Variants in MROH2B observed in about 807,000 individuals in gnomAD.
MROH2B encodes maestro heat like repeat family member 2B, also known as maestro heat-like repeat-containing protein family member 2B.
A neutral mutation model predicts 208.6 loss-of-function variants in MROH2B; 177 were observed. The observed-to-expected ratio is 0.85, with a 90% CI of 0.75 to 0.96. The LOEUF (loss-of-function observed/expected upper bound fraction) is 0.96, where lower values mean the gene tolerates loss of function less well. MROH2B is among the 40% of genes least tolerant of loss of function. The probability of loss-of-function intolerance (pLI) is 0.00; values close to 1 mark genes in which losing one functional copy is unlikely to be tolerated. For synonymous variants in MROH2B, 728 were observed against 659.0 expected (o/e 1.10, Z -1.60); for missense variants, 2,002 against 1,878.7 (o/e 1.07, Z -1.21).
intron 24 of MROH2B, among the ~76,000 whole-genome samples, chr5:41,029,083 TC>T (rs1742478737): frequency 6.6e-6 from 1 of 152,170 alleles, no homozygotes; most frequent in African/African-American, 2.4e-5. Context: ...CAATTTACGT[TC>T]CCACCAACAG....
chr5:41,064,372 G>T, intron 5 of MROH2B, 100 bp downstream of exon 5: 2 of 934,690 alleles, frequency 2.1e-6, no homozygotes, highest in Non-Finnish European at 3.3e-6. Context: ...TATTCAAAAG[G>T]ACAAGATTGG....
intron 35 of MROH2B, 116 bp downstream of exon 35, chr5:41,005,415 C>A (rs988779899): frequency 6.1e-6 from 1 of 165,196 alleles, no homozygotes; most frequent in South Asian, 4.9e-5. Context: ...TCTATGAAAC[C>A]CCCCCCCCCC....
At chr5:41,064,612 C>T in intron 4 of MROH2B, 42 bp from the exon 5 acceptor site, 1 of 1,526,430 alleles carries the variant, frequency 6.6e-7, no homozygotes, top group Non-Finnish European at 9.0e-7. Flanking sequence ...TATTTATCTT[C>T]TCAAATTTGG....
At chr5:41,050,839 T>C (rs2150176152) in intron 13 of MROH2B, 138 bp downstream of exon 13, 2 of 607,062 alleles carry the variant, frequency 3.3e-6, no homozygotes, top group East Asian at 3.2e-5. Context: ...GGACACAGCG[T>C]TGCAATATAC....
rs976414649 is a variant in MROH2B, at chr5:41,015,363, C to A, written c.2982+18G>T. ...AATCCAGAATCTTTACATCCCCTGG[C>A]CACTCCATATTTATTACCTTAGCTA... On this transcript the variant is annotated intron_variant, in intron 29 of 41. Coordinates refer to ENST00000399564, the MANE Select transcript of MROH2B (RefSeq NM_173489.5). The A allele has an allele frequency of 1.9e-6, 3 of 1,603,076 alleles. No individual in the cohort carries two copies. The highest frequency in any genetic ancestry group is 2.7e-5 in the African/African-American group (2 of 74,718).
In MROH2B at chr5:41,064,505, C is replaced by T. The variant is rs755242461; in HGVS notation, c.427G>A (p.Glu143Lys). Residue 143 changes from glutamate to lysine, a missense_variant, in exon 5 of 42, where the codon GAG (glutamate) becomes AAG (lysine). Physicochemically the swap from Glu to Lys is moderately conservative, Grantham distance 56. Coordinates refer to ENST00000399564, the MANE Select transcript of MROH2B (RefSeq NM_173489.5). ...LTMQTMLRLA[E>K]DERMKGTFCI... is the part of the protein sequence containing the mutation. ...AAAGTCCCCTTCATCCTTTCATCCT[C>T]GGCCAGCCTGAGCATGGTTTGCATG... 6.8e-6 allele frequency: 11 copies of T among 1,613,378 alleles called. No individual in the cohort carries two copies. The East Asian group carries it at 1.1e-4, about 16-fold the overall frequency.
chr5:41,012,822 G>T, intron 29 of MROH2B, 87 bp from the exon 30 acceptor site: 3 of 1,521,932 alleles, frequency 2.0e-6, no homozygotes, highest in South Asian at 2.6e-5. Flanking sequence ...GTTTGTTTTG[G>T]GTATTAGAAA....
At chr5:41,045,947 A>G (rs772494855) in intron 17 of MROH2B, 94 bp from the exon 18 acceptor site, 142 of 729,674 alleles carry the variant, frequency 1.9e-4, no homozygotes, top group Admixed American at 1.3e-4. Flanking sequence ...AAGTTTAAAT[A>G]TATTTTAAAT....
Position 41,048,397 on chromosome 5 carries a change from CAGTATCTTCAAA to C in MROH2B, c.1599_1610del (p.Leu534_Leu537del). On this transcript the variant is annotated inframe_deletion, in exon 16 of 42. Transcript: ENST00000399564. Reference sequence around the variant, plus strand: ...CCAATTTTGGGTGAATTATCTCAGGCAGTATCTTCAAAAGCCCTATTGCACCAGCCCCACGTA... The same window carrying C: ...CCAATTTTGGGTGAATTATCTCAGGCAGCCCTATTGCACCAGCCCCACGTA... 1 of 1,613,726 alleles carries C rather than the reference CAGTATCTTCAAA, an allele frequency of 6.2e-7. No individual in the cohort carries two copies. The highest frequency in any genetic ancestry group is 1.1e-5 in the South Asian group (1 of 91,060).
At chr5:41,000,616 T>G (rs1033343298) in intron 38 of MROH2B, 62 bp downstream of exon 38, 79 of 1,538,568 alleles carry the variant, frequency 5.1e-5, no homozygotes, top group Non-Finnish European at 6.6e-5. Flanking sequence ...TAGACCAGGC[T>G]TATTGGTACT....
intron 2 of MROH2B, among the ~76,000 whole-genome samples, chr5:41,067,430 G>T (rs1413371842): frequency 6.6e-6 from 1 of 151,718 alleles, no homozygotes; most frequent in East Asian, 1.9e-4. Flanking sequence ...GCAATGGCAT[G>T]ATCTCAGCTC....
At chr5:41,038,601 G>C in intron 21 of MROH2B, 135 bp downstream of exon 21, 2 of 789,540 alleles carry the variant, frequency 2.5e-6, no homozygotes, top group Non-Finnish European at 3.8e-6. Context: ...GACATTTACT[G>C]TATTAGTCTG....
At chr5:41,048,519 A>G (rs370518623) in intron 15 of MROH2B, 54 bp from the exon 16 acceptor site, 2 of 1,518,398 alleles carry the variant, frequency 1.3e-6, no homozygotes, top group Middle Eastern at 1.8e-4. Flanking sequence ...TAAAAGCCCC[A>G]CTTATTTTTC....
intron 34 of MROH2B, among the ~76,000 whole-genome samples, chr5:41,006,864 C>A (rs117256084): frequency 0.016 from 2,474 of 152,104 alleles, 56 homozygotes; most frequent in East Asian, 0.12. Flanking sequence ...GAGGGATAAG[C>A]CTACATATTG....
rs1252280821 is a variant in MROH2B at position 41,017,977 on chromosome 5, G to A, written c.2764-7C>T. The stretch of plus-strand genomic sequence containing the variant: ...TTTTAAAGTTCTCTGGTGCCTGCAG[G>A]ATAAAGGAGGCATCCTATTGTGATG... On this transcript the variant is annotated splice_region_variant and splice_polypyrimidine_tract_variant and intron_variant, in intron 27 of 41. Coordinates refer to ENST00000399564, the MANE Select transcript of MROH2B (RefSeq NM_173489.5). 6.4e-7 allele frequency: 1 copy of A among 1,570,242 alleles called. No homozygotes were observed. The highest frequency in any genetic ancestry group is 8.6e-7 in the Non-Finnish European group (1 of 1,156,312).
intron 3 of MROH2B, among the ~76,000 whole-genome samples, chr5:41,066,835 T>C (rs1199130850): frequency 6.6e-6 from 1 of 152,212 alleles, no homozygotes; most frequent in Non-Finnish European, 1.5e-5. Context: ...TAGACAGCTG[T>C]GTTACTTTGA....
intron 21 of MROH2B, among the ~76,000 whole-genome samples, chr5:41,034,393 G>C (rs1742684263): frequency 6.6e-6 from 1 of 152,104 alleles, no homozygotes; most frequent in Non-Finnish European, 1.5e-5. Flanking sequence ...TCCTCTGTGA[G>C]AGGAAAGGTG....
chr5:41,007,727 C>A lies in MROH2B; in HGVS notation c.3609-273G>T, dbSNP rs151079542. Among the ~76,000 whole-genome samples, 17 of 152,248 alleles carry A rather than the reference C, an allele frequency of 1.1e-4. No homozygotes were observed. The East Asian group carries it at 3.3e-3, about 29-fold the overall frequency. On this transcript the variant is annotated intron_variant, in intron 33 of 41. Transcript: ENST00000399564. Reference sequence around the variant, plus strand: ...CATAAGAATAAAAAGTGAAAAATACCATATTTCACTGATTCTAAAACACGA... The same window carrying A: ...CATAAGAATAAAAAGTGAAAAATACAATATTTCACTGATTCTAAAACACGA...
intron 18 of MROH2B, among the ~76,000 whole-genome samples, chr5:41,043,555 T>A (rs1743018907): frequency 6.6e-6 from 1 of 152,176 alleles, no homozygotes; most frequent in Non-Finnish European, 1.5e-5. Context: ...GACCTGTTGC[T>A]TCTCTGTGGA....
Sources: gnomAD v4.1 joint callset for allele counts (sites outside exome capture counted in the v4.1 genomes callset) on GRCh38, gnomAD v4.1.1 for gene constraint, MANE v1.5 for transcripts, NCBI Gene and HGNC (gene_info 2026-07-23, HGNC 2026-07-21) for gene names.